Variants in KCND3 observed in about 807,000 individuals in gnomAD.
KCND3 encodes A-type voltage-gated potassium channel KCND3.
Under a neutral mutation model 51.1 loss-of-function variants are expected in KCND3, and 9 were observed. The ratio of observed to expected loss-of-function variants is 0.18; its 90% CI spans 0.11 to 0.31. The LOEUF (loss-of-function observed/expected upper bound fraction) is 0.31, where lower values mean the gene tolerates loss of function less well. KCND3 is among the 10% of genes least tolerant of loss of function. The pLI is 1.00. For missense variants in KCND3, 526 were observed against 903.8 expected, an observed-to-expected ratio of 0.58 and a Z score of 5.36; for synonymous variants, 349 against 368.0, an observed-to-expected ratio of 0.95 and a Z score of 0.59.
chr1:111,863,793 A>T (rs986375640), intron 2 of KCND3, among the ~76,000 whole-genome samples: 3 of 152,220 alleles, frequency 2.0e-5, no homozygotes, highest in Non-Finnish European at 2.9e-5. Context: ...GCTGGACTAG[A>T]AGGTGAATGC....
intron 2 of KCND3, among the ~76,000 whole-genome samples, chr1:111,895,919 C>T (rs1025037733): frequency 1.3e-5 from 2 of 152,256 alleles, no homozygotes; most frequent in Admixed American, 1.3e-4. Flanking sequence ...TCGAAGAAAG[C>T]TTGATTCACT....
chr1:111,771,108 G>C lies in KCND3; in HGVS notation c.*4969C>G, dbSNP rs569973996. The C allele has an allele frequency of 6.6e-6, 1 of 152,308 alleles. No individual in the cohort carries two copies. Among genetic ancestry groups the C allele is most frequent in the East Asian group, 1.9e-4 (1 of 5,186 alleles). The allele number at this position is 152,308 out of a possible 1,614,324, so 9.4% of individuals were successfully genotyped here. A position where few individuals can be genotyped will look rare whatever the true frequency, so the allele number is the denominator to read the frequency against. The stretch of plus-strand genomic sequence containing the variant: ...GGACTTGGGTCAGTGCCGTACACTG[G>C]TTAGAGTGACATCATCCAGTGTAGT... On this transcript the variant is annotated 3_prime_UTR_variant, in exon 8 of 8. Coordinates refer to ENST00000302127, the MANE Select transcript of KCND3 (RefSeq NM_001378969.1).
intron 2 of KCND3, among the ~76,000 whole-genome samples, chr1:111,794,984 A>G (rs1377119774): frequency 6.6e-6 from 1 of 152,180 alleles, no homozygotes; most frequent in African/African-American, 2.4e-5. Flanking sequence ...GCCCAAAGCT[A>G]TGGTTTCTGG....
chr1:111,926,860 A>G (rs1375313914), intron 2 of KCND3, among the ~76,000 whole-genome samples: 1 of 152,140 alleles, frequency 6.6e-6, no homozygotes, highest in Non-Finnish European at 1.5e-5. Flanking sequence ...TTGAAAGCTG[A>G]CCTGCTTTAG....
At chr1:111,846,700 C>A (rs1008317095) in intron 2 of KCND3, among the ~76,000 whole-genome samples, 2 of 152,240 alleles carry the variant, frequency 1.3e-5, no homozygotes, top group Non-Finnish European at 2.9e-5. Flanking sequence ...TTCACAATGA[C>A]CTTTTACAGA....
At chr1:111,985,957 T>C (rs886517503) in intron 1 of KCND3, among the ~76,000 whole-genome samples, 1 of 152,200 alleles carries the variant, frequency 6.6e-6, no homozygotes, top group Admixed American at 6.5e-5. Flanking sequence ...ATGGAGGTCG[T>C]TCATGCATGG....
rs1664306419 is a variant in KCND3 at position 111,780,130 on chromosome 1, CTT to C, written c.1461+93_1461+94del. ...ACCTTTTGGATCTGAAGGGGACAGACTTTGACTTCTGGCCCAGAGTGAAGATG... is the reference window on the plus strand; with the variant it reads ...ACCTTTTGGATCTGAAGGGGACAGACTGACTTCTGGCCCAGAGTGAAGATG... On this transcript the variant is annotated intron_variant, in intron 5 of 7. Coordinates refer to ENST00000302127, the MANE Select transcript of KCND3 (RefSeq NM_001378969.1). The surrounding 1 kb of genome is among the most constrained non-coding windows in gnomAD (Gnocchi z 4.2). 2.3e-6 allele frequency: 3 copies of C among 1,285,154 alleles called. No homozygotes were observed. Among genetic ancestry groups the C allele is most frequent in the Admixed American group, 4.0e-5 (2 of 50,610 alleles). 79.6% of individuals were successfully genotyped at this position (1,285,154 alleles called of 1,614,324 possible).
chr1:111,930,670 A>AAG (rs1671924996), intron 2 of KCND3, among the ~76,000 whole-genome samples: 1 of 151,980 alleles, frequency 6.6e-6, no homozygotes, highest in African/African-American at 2.4e-5. Flanking sequence ...TGTAGAAAAA[A>AAG]AAAAAGGCAT....
chr1:111,846,505 A>G (rs1371190762), intron 2 of KCND3, among the ~76,000 whole-genome samples: 2 of 152,182 alleles, frequency 1.3e-5, no homozygotes, highest in East Asian at 3.8e-4. Flanking sequence ...AGGACAGAAC[A>G]GCACAGTAGT....
At chr1:111,788,768 C>A (rs1211093056) in intron 2 of KCND3, among the ~76,000 whole-genome samples, 1 of 152,172 alleles carries the variant, frequency 6.6e-6, no homozygotes, top group East Asian at 1.9e-4. Flanking sequence ...TCAAGACTCA[C>A]CCTGCTCCAT....
At chr1:111,791,085 G>A (rs1330571997) in intron 2 of KCND3, among the ~76,000 whole-genome samples, 1 of 152,232 alleles carries the variant, frequency 6.6e-6, no homozygotes, top group Non-Finnish European at 1.5e-5. Flanking sequence ...GAGTCATACG[G>A]TAACTATGTT....
At chr1:111,930,178 A>G (rs958440164) in intron 2 of KCND3, among the ~76,000 whole-genome samples, 3 of 151,258 alleles carry the variant, frequency 2.0e-5, no homozygotes, top group African/African-American at 7.3e-5. Flanking sequence ...TTTTCTAAGC[A>G]GTAAGTTGTG....
At chr1:111,850,318 A>T (rs766986960) in intron 2 of KCND3, among the ~76,000 whole-genome samples, 15 of 152,072 alleles carry the variant, frequency 9.9e-5, no homozygotes, top group Non-Finnish European at 4.4e-5. Context: ...CAGTGACTAA[A>T]CAACCCGACT....
chr1:111,856,280 G>T (rs1236391698), intron 2 of KCND3, among the ~76,000 whole-genome samples: 3 of 152,214 alleles, frequency 2.0e-5, no homozygotes, highest in Non-Finnish European at 4.4e-5. Flanking sequence ...GGTCTCAGAA[G>T]CCTTGAGACC....
intron 2 of KCND3, among the ~76,000 whole-genome samples, chr1:111,945,030 A>AGAT (rs1672711878): frequency 6.6e-6 from 1 of 152,178 alleles, no homozygotes; most frequent in South Asian, 2.1e-4. Context: ...GGTCCTCAAC[A>AGAT]GATATTTGAG....
chr1:111,988,284 CCTTGGGGGACAGGCTTGGGACA>C (rs1328931910), intron 1 of KCND3, among the ~76,000 whole-genome samples: 1 of 152,124 alleles, frequency 6.6e-6, no homozygotes, highest in South Asian at 2.1e-4. Context: ...AGCTGGGGAT[CCTTGGGGGACAGGCTTGGGACA>C]CACGCACAGA....
At chr1:111,821,066 C>T (rs1418802563) in intron 2 of KCND3, among the ~76,000 whole-genome samples, 3 of 152,238 alleles carry the variant, frequency 2.0e-5, no homozygotes, top group Non-Finnish European at 2.9e-5. Flanking sequence ...ATTGTTATGG[C>T]AGCCCTAAGA....
chr1:111,868,629 C>T (rs1668692565), intron 2 of KCND3, among the ~76,000 whole-genome samples: 1 of 152,078 alleles, frequency 6.6e-6, no homozygotes, highest in Non-Finnish European at 1.5e-5. Flanking sequence ...TACTATATGC[C>T]AACATTTTGT....
At chr1:111,801,947 C>T (rs1665332927) in intron 2 of KCND3, among the ~76,000 whole-genome samples, 1 of 152,226 alleles carries the variant, frequency 6.6e-6, no homozygotes, top group Non-Finnish European at 1.5e-5. Flanking sequence ...GGTGAACTTG[C>T]CAGGCACAGG....
Sources: gnomAD v4.1 joint callset for allele counts (sites outside exome capture counted in the v4.1 genomes callset) on GRCh38, gnomAD v4.1.1 for gene constraint, Gnocchi (gnomAD v3.1) non-coding constraint, MANE v1.5 for transcripts, NCBI Gene and HGNC (gene_info 2026-07-23, HGNC 2026-07-21) for gene names.